Variants in GUCY1A2 observed in about 807,000 individuals in gnomAD.
GUCY1A2 encodes the protein guanylate cyclase soluble subunit alpha-2.
Under a neutral mutation model 63.5 loss-of-function variants are expected in GUCY1A2, and 27 were observed. That is an observed-to-expected ratio of 0.43 (90% CI 0.31 to 0.59). The LOEUF (loss-of-function observed/expected upper bound fraction) is 0.59, where lower values mean the gene tolerates loss of function less well. Among genes scored for constraint, GUCY1A2 ranks in the 20% least tolerant of loss-of-function variants. GUCY1A2 has a pLI of 0.11. For synonymous variants in GUCY1A2, 364 were observed against 343.5 expected (o/e 1.06, Z -0.66); for missense variants, 768 against 913.3 (o/e 0.84, Z 2.05).
At chr11:106,885,555 G>A (rs1409578919) in intron 4 of GUCY1A2, among the ~76,000 whole-genome samples, 4 of 152,032 alleles carry the variant, frequency 2.6e-5, no homozygotes, top group Admixed American at 6.6e-5. Context: ...CTCTGTTCTC[G>A]AAAATCCATA....
intron 4 of GUCY1A2, among the ~76,000 whole-genome samples, chr11:106,904,851 T>C (rs1263767341): frequency 6.6e-6 from 1 of 151,896 alleles, no homozygotes; most frequent in African/African-American, 2.4e-5. Context: ...TGGTAAAAAA[T>C]AATTAAGTGT....
intron 4 of GUCY1A2, among the ~76,000 whole-genome samples, chr11:106,854,255 A>G (rs1591302832): frequency 6.6e-6 from 1 of 152,098 alleles, no homozygotes; most frequent in African/African-American, 2.4e-5. Flanking sequence ...GGCCCGTGGG[A>G]GTGAAGACAC....
intron 4 of GUCY1A2, chr11:106,827,119 G>A (rs2135434115): frequency 6.8e-7 from 1 of 1,480,496 alleles, no homozygotes; most frequent in East Asian, 2.3e-5. Flanking sequence ...TTCACACATA[G>A]CTTCAAGGTG....
rs1390454568 is a variant in GUCY1A2 at position 106,680,604 on chromosome 11, AT to A, written c.*6944del. The A allele has an allele frequency of 1.5e-5, 3 of 196,598 alleles. No homozygotes were observed. The highest frequency in any genetic ancestry group is 6.9e-5 in the African/African-American group (3 of 43,326). The allele number at this position is 196,598 out of a possible 1,614,324, so 12.2% of individuals were successfully genotyped here. On this transcript the variant is annotated 3_prime_UTR_variant, in exon 8 of 8. Coordinates refer to ENST00000526355, the MANE Select transcript of GUCY1A2 (RefSeq NM_000855.3). ...TCAAATTAAATATTTTCCATTATTT[AT>A]TTAACCCAAAACCATTCTTACTAAG... is the stretch of plus-strand genomic sequence containing the variant.
chr11:106,839,219 T>G (rs1221080431), intron 4 of GUCY1A2, among the ~76,000 whole-genome samples: 1 of 152,012 alleles, frequency 6.6e-6, no homozygotes, highest in Admixed American at 6.6e-5. Flanking sequence ...CCAGCACCAT[T>G]TGTTAAATAG....
intron 4 of GUCY1A2, among the ~76,000 whole-genome samples, chr11:106,936,147 A>G (rs901239623): frequency 2.6e-5 from 4 of 152,198 alleles, no homozygotes; most frequent in African/African-American, 9.6e-5. Flanking sequence ...TCACTCAAAC[A>G]AGATTCATTC....
At chr11:107,016,262 C>G (rs1861822288) in intron 1 of GUCY1A2, among the ~76,000 whole-genome samples, 1 of 152,204 alleles carries the variant, frequency 6.6e-6, no homozygotes, top group South Asian at 2.1e-4. Context: ...TAGGGGTGGG[C>G]AGGTGAAAGT....
chr11:106,779,357 A>G (rs919529999), intron 5 of GUCY1A2, among the ~76,000 whole-genome samples: 9 of 152,250 alleles, frequency 5.9e-5, no homozygotes, highest in African/African-American at 2.2e-4. Flanking sequence ...AAGAATAAAC[A>G]TCTAAAATGT....
intron 6 of GUCY1A2, among the ~76,000 whole-genome samples, chr11:106,742,347 T>C (rs989072780): frequency 2.6e-5 from 4 of 152,152 alleles, no homozygotes; most frequent in Non-Finnish European, 5.9e-5. Flanking sequence ...TTCCACTCAC[T>C]ACCCACTGAA....
Position 106,745,639 on chromosome 11 carries a change from C to T in GUCY1A2, c.1836+30800G>A, listed in dbSNP as rs573789859. Among the ~76,000 whole-genome samples, 3 of 152,288 alleles carry T rather than the reference C, an allele frequency of 2.0e-5. No individual in the cohort carries two copies. The East Asian group carries it at 5.8e-4, about 29-fold the overall frequency. ...TCTTAACTACCAACCCATCTGTATA[C>T]AATAGATATTCCATAAATAATGACT... On this transcript the variant is annotated intron_variant, in intron 6 of 7. Transcript: ENST00000526355.
chr11:107,009,348 A>G (rs1861713252), intron 1 of GUCY1A2, among the ~76,000 whole-genome samples: 1 of 151,980 alleles, frequency 6.6e-6, no homozygotes, highest in Non-Finnish European at 1.5e-5. Context: ...TAAACAAATC[A>G]CTCCTCCAAA....
At position 106,985,981 on chromosome 11, in the gene GUCY1A2, G is replaced by T. The variant is rs951359859; in HGVS notation, c.365+89C>A. 10 of 778,148 alleles carry T rather than the reference G, an allele frequency of 1.3e-5. 1 individual carries two copies. In the Admixed American group the frequency reaches 1.8e-4, roughly 14 times the overall value. 48.2% of individuals were successfully genotyped at this position (778,148 alleles called of 1,614,324 possible). On this transcript the variant is annotated intron_variant, in intron 2 of 7. Coordinates refer to ENST00000526355, the MANE Select transcript of GUCY1A2 (RefSeq NM_000855.3). ...GCCACTATAAAATCAGGTTGACCTG[G>T]GTAGCAGAAAATCACATACTCAACA...
rs116454889 is a variant in GUCY1A2, at chr11:106,747,592, A to G, written c.1836+28847T>C. The stretch of plus-strand genomic sequence containing the variant: ...AGCAGTAGCTGGCAAAAGGCACATG[A>G]CATTCTGGGTTTTTGCATTTTTTCC... On this transcript the variant is annotated intron_variant, in intron 6 of 7. Transcript: ENST00000526355. 9.3e-3 allele frequency among the ~76,000 whole-genome samples: 1,420 copies of G among 152,342 alleles called. 26 individuals carry two copies. The highest frequency in any genetic ancestry group is 0.033 in the African/African-American group (1,365 of 41,576).
intron 4 of GUCY1A2, among the ~76,000 whole-genome samples, chr11:106,819,538 T>C (rs113347732): frequency 0.032 from 4,853 of 152,244 alleles, 261 homozygotes; most frequent in African/African-American, 0.11. Flanking sequence ...GCAAAAAAGA[T>C]TATGACTTGA....
intron 5 of GUCY1A2, among the ~76,000 whole-genome samples, chr11:106,790,319 C>G (rs112961910): frequency 0.013 from 1,929 of 152,294 alleles, 24 homozygotes; most frequent in South Asian, 0.047. Flanking sequence ...CTGATGTTCA[C>G]TTAAGGCCCA....
chr11:106,912,707 G>C (rs1860312483), intron 4 of GUCY1A2, among the ~76,000 whole-genome samples: 2 of 151,992 alleles, frequency 1.3e-5, no homozygotes, highest in Admixed American at 1.3e-4. Flanking sequence ...AACAGCACTT[G>C]GATGCTATAA....
chr11:106,948,293 A>C (rs537481423), intron 3 of GUCY1A2, among the ~76,000 whole-genome samples: 2 of 152,316 alleles, frequency 1.3e-5, no homozygotes, highest in South Asian at 4.1e-4. Context: ...TATTTGCAAA[A>C]ATAGTAGCAG....
intron 3 of GUCY1A2, among the ~76,000 whole-genome samples, chr11:106,974,019 G>A (rs989952128): frequency 4.6e-5 from 7 of 152,016 alleles, no homozygotes; most frequent in Admixed American, 1.3e-4. Flanking sequence ...ATTCCAGTTC[G>A]TGCAGCTAGT....
chr11:106,848,684 A>G (rs1859311205), intron 4 of GUCY1A2, among the ~76,000 whole-genome samples: 1 of 151,656 alleles, frequency 6.6e-6, no homozygotes, highest in African/African-American at 2.4e-5. Flanking sequence ...TGGCTTTGAG[A>G]GAAGGACAGA....
Sources: gnomAD v4.1 joint callset for allele counts (sites outside exome capture counted in the v4.1 genomes callset) on GRCh38, gnomAD v4.1.1 for gene constraint, MANE v1.5 for transcripts, NCBI Gene and HGNC (gene_info 2026-07-23, HGNC 2026-07-21) for gene names.